PEX7: variants seen among roughly 807,000 people sequenced by gnomAD.
PEX7 encodes the protein PTS2 receptor.
PEX7 carries 34 observed loss-of-function variants against 47.5 expected under a neutral mutation model. That is an observed-to-expected ratio of 0.72 (90% CI 0.54 to 0.95). The LOEUF (loss-of-function observed/expected upper bound fraction) is 0.95, where lower values mean the gene tolerates loss of function less well. Among genes scored for constraint, PEX7 ranks in the 40% least tolerant of loss-of-function variants. PEX7 has a pLI of 0.00. For missense variants in PEX7, 394 were observed against 400.3 expected, an observed-to-expected ratio of 0.98 and a Z score of 0.13; for synonymous variants, 141 against 148.8, an observed-to-expected ratio of 0.95 and a Z score of 0.38.
At chr6:136,883,911 T>C (rs1775422658) in intron 8 of PEX7, among the ~76,000 whole-genome samples, 1 of 152,232 alleles carries the variant, frequency 6.6e-6, no homozygotes, top group South Asian at 2.1e-4. Context: ...AGGCAGTATA[T>C]AGAAGCAACA....
At chr6:136,827,126 GCTAAT>G (rs1226303072) in intron 3 of PEX7, among the ~76,000 whole-genome samples, 1 of 152,158 alleles carries the variant, frequency 6.6e-6, no homozygotes, top group Non-Finnish European at 1.5e-5. Context: ...ATGAAAACTT[GCTAAT>G]CTACTTTCAA....
chr6:136,829,887 A>C, intron 3 of PEX7: 1 of 641,548 alleles, frequency 1.6e-6, no homozygotes, highest in Non-Finnish European at 2.8e-6. Flanking sequence ...CAGTGAGCTG[A>C]GTTCGTGCCA....
At chr6:136,831,731 A>T (rs1321108346) in intron 3 of PEX7, among the ~76,000 whole-genome samples, 1 of 152,272 alleles carries the variant, frequency 6.6e-6, no homozygotes. Flanking sequence ...CACAGGCCCC[A>T]TGCAAGTCTG....
At chr6:136,894,737 A>C (rs1436493991) in intron 8 of PEX7, among the ~76,000 whole-genome samples, 1 of 152,236 alleles carries the variant, frequency 6.6e-6, no homozygotes, top group African/African-American at 2.4e-5. Flanking sequence ...TAAATAAAAA[A>C]TGTTCCTAGA....
At chr6:136,850,031 G>A (rs1327988772) in intron 5 of PEX7, among the ~76,000 whole-genome samples, 11 of 152,014 alleles carry the variant, frequency 7.2e-5, no homozygotes, top group African/African-American at 2.2e-4. Context: ...ATGAATCTGG[G>A]TGCTCCTGTA....
At chr6:136,856,539 A>G (rs929131211) in intron 5 of PEX7, among the ~76,000 whole-genome samples, 2 of 152,022 alleles carry the variant, frequency 1.3e-5, no homozygotes, top group Admixed American at 6.6e-5. Flanking sequence ...AAAGTGAAAG[A>G]TTCCTTCTCA....
At position 136,871,471 on chromosome 6, in the gene PEX7, A is replaced by T. The variant is rs545938517; in HGVS notation, c.748-727A>T. 2.0e-3 allele frequency among the ~76,000 whole-genome samples: 298 copies of T among 152,302 alleles called. 2 individuals carry two copies. The highest frequency in any genetic ancestry group is 6.4e-3 in the African/African-American group (267 of 41,564). On this transcript the variant is annotated intron_variant, in intron 7 of 9. Coordinates refer to ENST00000318471, the MANE Select transcript of PEX7 (RefSeq NM_000288.4). Reference sequence around the variant, plus strand: ...TGATTATAGCAATCATATATTTGTAAAATTGGTAAATTATATAATTATATA... The same window carrying T: ...TGATTATAGCAATCATATATTTGTATAATTGGTAAATTATATAATTATATA...
chr6:136,897,420 T>C lies in PEX7; in HGVS notation c.804-722T>C, dbSNP rs185331672. On this transcript the variant is annotated intron_variant, in intron 8 of 9. Transcript: ENST00000318471. ...GTTATGTATTGAAAACAGGGCCAAA[T>C]TCTTGTCTGCACAGTACAAATGAGA... is the stretch of plus-strand genomic sequence containing the variant. Among the ~76,000 whole-genome samples the C allele has an allele frequency of 2.2e-3, 329 of 152,326 alleles. 2 individuals carry two copies. Among genetic ancestry groups the C allele is most frequent in the African/African-American group, 7.5e-3 (313 of 41,578 alleles).
intron 9 of PEX7, among the ~76,000 whole-genome samples, chr6:136,909,210 T>C (rs1775894936): frequency 6.6e-6 from 1 of 152,232 alleles, no homozygotes; most frequent in Admixed American, 6.5e-5. Context: ...ACATAAATTA[T>C]CTTTTAGATA....
chr6:136,909,602 A>G (rs1191652573), intron 9 of PEX7, among the ~76,000 whole-genome samples: 2 of 152,128 alleles, frequency 1.3e-5, no homozygotes, highest in African/African-American at 4.8e-5. Flanking sequence ...TTCTTACCTT[A>G]TTATTATTTT....
chr6:136,911,913 G>A (rs1365171028), intron 9 of PEX7, among the ~76,000 whole-genome samples: 1 of 152,200 alleles, frequency 6.6e-6, no homozygotes, highest in Non-Finnish European at 1.5e-5. Context: ...TACCAGCAAT[G>A]TATGTGATCA....
At chr6:136,880,416 T>C (rs1775356384) in intron 8 of PEX7, among the ~76,000 whole-genome samples, 1 of 152,168 alleles carries the variant, frequency 6.6e-6, no homozygotes, top group South Asian at 2.1e-4. Flanking sequence ...CACTTTCTCT[T>C]TCTCATGATG....
At chr6:136,837,869 G>A (rs534988515) in intron 3 of PEX7, among the ~76,000 whole-genome samples, 2 of 151,836 alleles carry the variant, frequency 1.3e-5, no homozygotes, top group East Asian at 3.9e-4. Context: ...CAGTCCTTAC[G>A]TGGAGATGGA....
At chr6:136,890,561 C>G (rs1254264458) in intron 8 of PEX7, among the ~76,000 whole-genome samples, 1 of 152,094 alleles carries the variant, frequency 6.6e-6, no homozygotes, top group Non-Finnish European at 1.5e-5. Context: ...TGTCTGTCTT[C>G]TCCCCCTCCT....
intron 4 of PEX7, 33 bp from the exon 5 acceptor site, chr6:136,846,040 C>A (rs772543702): frequency 7.6e-7 from 1 of 1,311,196 alleles, no homozygotes; most frequent in African/African-American, 1.4e-5. Flanking sequence ...TGAATTTATC[C>A]CTCAAGTAAT....
chr6:136,866,165 G>A (rs148585295), intron 5 of PEX7, among the ~76,000 whole-genome samples: 1 of 151,742 alleles, frequency 6.6e-6, no homozygotes, highest in East Asian at 1.9e-4. Context: ...CTTATAGCTG[G>A]CCCGTTAAAA....
intron 2 of PEX7, among the ~76,000 whole-genome samples, chr6:136,826,113 G>GT (rs956507589): frequency 4.4e-4 from 67 of 151,758 alleles, no homozygotes; most frequent in African/African-American, 1.1e-3. Flanking sequence ...CCACTGGACT[G>GT]TTTTTTTTAA....
chr6:136,860,200 T>C (rs546156068), intron 5 of PEX7, among the ~76,000 whole-genome samples: 30 of 152,136 alleles, frequency 2.0e-4, no homozygotes, highest in African/African-American at 6.0e-4. Flanking sequence ...ACAGAAGTCC[T>C]GGCAGCTGAA....
At chr6:136,847,417 C>T (rs1398210858) in intron 5 of PEX7, among the ~76,000 whole-genome samples, 1 of 151,916 alleles carries the variant, frequency 6.6e-6, no homozygotes, top group Non-Finnish European at 1.5e-5. Flanking sequence ...GAAATCCTTG[C>T]CCATGCCTAT....
Sources: allele counts gnomAD v4.1 joint callset (sites outside exome capture counted in the v4.1 genomes callset), GRCh38; gene constraint gnomAD v4.1.1; transcripts MANE v1.5; gene names NCBI Gene and HGNC (gene_info 2026-07-23, HGNC 2026-07-21).